Variants in LAMA2 observed in about 807,000 individuals in gnomAD.
The protein encoded by LAMA2 is laminin subunit alpha 2.
A neutral mutation model predicts 364.8 loss-of-function variants in LAMA2; 269 were observed. That is an observed-to-expected ratio of 0.74 (90% CI 0.67 to 0.82). The LOEUF (loss-of-function observed/expected upper bound fraction) is 0.82, where lower values mean the gene tolerates loss of function less well. Among genes scored for constraint, LAMA2 ranks in the 40% least tolerant of loss-of-function variants. The pLI is 0.00. For missense variants in LAMA2, 3,807 were observed against 3,873.2 expected, an observed-to-expected ratio of 0.98 and a Z score of 0.45; for synonymous variants, 1,379 against 1,370.6, an observed-to-expected ratio of 1.01 and a Z score of -0.14.
intron 1 of LAMA2, among the ~76,000 whole-genome samples, chr6:128,895,715 A>G (rs186542717): frequency 6.6e-6 from 1 of 152,152 alleles, no homozygotes; most frequent in Non-Finnish European, 1.5e-5. Context: ...AGCAGAAGAG[A>G]TTTTTATTCC....
chr6:129,294,117 C>T (rs1188836336), intron 20 of LAMA2, among the ~76,000 whole-genome samples: 2 of 152,152 alleles, frequency 1.3e-5, no homozygotes, highest in African/African-American at 4.8e-5. Context: ...CCCGGGAAAA[C>T]ACAGAAAGAA....
rs576205039 is a variant in LAMA2 at position 128,948,588 on chromosome 6, G to A, written c.112+65231G>A. Reference sequence around the variant, plus strand: ...GAAATGTGATTGATATGATTTGCATGTTTGCCCCCTTCAAATCGCATGTTG... The same window carrying A: ...GAAATGTGATTGATATGATTTGCATATTTGCCCCCTTCAAATCGCATGTTG... On this transcript the variant is annotated intron_variant, in intron 1 of 64. Transcript: ENST00000421865. Among the ~76,000 whole-genome samples, 14 of 152,258 alleles carry A rather than the reference G, an allele frequency of 9.2e-5. No homozygotes were observed. The South Asian group carries it at 2.9e-3, about 32-fold the overall frequency.
At position 129,039,120 on chromosome 6, in the gene LAMA2, G is replaced by A. The variant is rs186881623; in HGVS notation, c.113-10798G>A. Reference sequence around the variant, plus strand: ...TAATTTTATAGACTTGAGAGCCACCGTAAAAAATACTAAAGTTACAGTATG... The same window carrying A: ...TAATTTTATAGACTTGAGAGCCACCATAAAAAATACTAAAGTTACAGTATG... On this transcript the variant is annotated intron_variant, in intron 1 of 64. Transcript: ENST00000421865. Among the ~76,000 whole-genome samples, 449 of 152,102 alleles carry A rather than the reference G, an allele frequency of 3.0e-3. 1 individual carries two copies. The highest frequency in any genetic ancestry group is 0.01 in the African/African-American group (427 of 41,482).
intron 1 of LAMA2, among the ~76,000 whole-genome samples, chr6:128,936,611 C>T (rs1779828087): frequency 6.6e-6 from 1 of 152,028 alleles, no homozygotes; most frequent in African/African-American, 2.4e-5. Flanking sequence ...ATGTTAGGCA[C>T]AGCAAGAGAT....
chr6:129,116,542 G>A (rs1405547249), intron 4 of LAMA2, among the ~76,000 whole-genome samples: 1 of 151,988 alleles, frequency 6.6e-6, no homozygotes, highest in Non-Finnish European at 1.5e-5. Context: ...GAACCAAGAT[G>A]ATTTGTGTGA....
intron 1 of LAMA2, among the ~76,000 whole-genome samples, chr6:129,018,270 T>C (rs538887570): frequency 1.3e-5 from 2 of 152,132 alleles, no homozygotes; most frequent in South Asian, 4.1e-4. Context: ...CATGATGATC[T>C]TGTTTGTTGC....
At chr6:129,064,151 G>A (rs943873967) in intron 3 of LAMA2, among the ~76,000 whole-genome samples, 9 of 151,494 alleles carry the variant, frequency 5.9e-5, no homozygotes, top group African/African-American at 2.2e-4. Flanking sequence ...CAAATACATG[G>A]AAATTAAACA....
intron 12 of LAMA2, among the ~76,000 whole-genome samples, chr6:129,232,561 A>T (rs1784728939): frequency 6.6e-6 from 1 of 152,144 alleles, no homozygotes; most frequent in Middle Eastern, 3.2e-3. Flanking sequence ...TCAAAATTAT[A>T]ATAATAGCAA....
chr6:129,228,119 C>A (rs1177817429), intron 12 of LAMA2, among the ~76,000 whole-genome samples: 3 of 152,198 alleles, frequency 2.0e-5, no homozygotes, highest in African/African-American at 7.2e-5. Flanking sequence ...AGGCATGGGA[C>A]CCTCCGAGCC....
intron 29 of LAMA2, among the ~76,000 whole-genome samples, chr6:129,328,783 A>G (rs558299009): frequency 6.6e-6 from 1 of 152,332 alleles, no homozygotes; most frequent in Admixed American, 6.5e-5. Flanking sequence ...ATGCAACATA[A>G]CATTTTAATG....
intron 1 of LAMA2, among the ~76,000 whole-genome samples, chr6:129,021,197 AC>A (rs1785427196): frequency 6.6e-6 from 1 of 152,122 alleles, no homozygotes; most frequent in Non-Finnish European, 1.5e-5. Flanking sequence ...ATTATAGTAG[AC>A]CCCTGATTGC....
At chr6:129,398,962 G>C (rs1274457253) in intron 37 of LAMA2, among the ~76,000 whole-genome samples, 1 of 152,144 alleles carries the variant, frequency 6.6e-6, no homozygotes, top group South Asian at 2.1e-4. Context: ...GTTGTTTACT[G>C]ATATGTAATA....
At chr6:129,367,066 T>C (rs1777817444) in intron 33 of LAMA2, among the ~76,000 whole-genome samples, 1 of 152,212 alleles carries the variant, frequency 6.6e-6, no homozygotes, top group African/African-American at 2.4e-5. Context: ...AAACACATGA[T>C]TAGAATCTTG....
intron 12 of LAMA2, among the ~76,000 whole-genome samples, chr6:129,249,365 A>G (rs1188564972): frequency 1.3e-5 from 2 of 152,210 alleles, no homozygotes; most frequent in African/African-American, 2.4e-5. Flanking sequence ...TTCCTGTCCT[A>G]TAAATGATCT....
intron 1 of LAMA2, among the ~76,000 whole-genome samples, chr6:128,941,898 G>T (rs1033497002): frequency 1.3e-5 from 2 of 152,118 alleles, no homozygotes; most frequent in Non-Finnish European, 2.9e-5. Flanking sequence ...AAGTTCAGAG[G>T]TAGAAGATGC....
At chr6:129,054,953 C>G (rs909300868) in intron 2 of LAMA2, among the ~76,000 whole-genome samples, 10 of 150,124 alleles carry the variant, frequency 6.7e-5, no homozygotes, top group Non-Finnish European at 1.5e-4. Context: ...GCTATTCTGT[C>G]TTTCACCCTC....
In LAMA2 at chr6:128,917,738, T is replaced by TTTC. The variant is rs1326095567; in HGVS notation, c.112+34383_112+34384insCTT. ...TCTTTCTTTCTTTCTTTCTTTCTTTTTTTTTTTTTTTTTGAGACAGGCTCT... is the reference window on the plus strand; with the variant it reads ...TCTTTCTTTCTTTCTTTCTTTCTTTTTTCTTTTTTTTTTTTTGAGACAGGCTCT... On this transcript the variant is annotated intron_variant, in intron 1 of 64. Transcript: ENST00000421865. Among the ~76,000 whole-genome samples the TTTC allele has an allele frequency of 6.5e-4, 15 of 23,102 alleles. No individual in the cohort carries two copies. The South Asian group carries it at 0.012, about 19-fold the overall frequency. 15.2% of individuals were successfully genotyped at this position (23,102 alleles called of 152,430 possible).
chr6:129,042,481 TA>T (rs1256160407), intron 1 of LAMA2, among the ~76,000 whole-genome samples: 1 of 152,154 alleles, frequency 6.6e-6, no homozygotes, highest in African/African-American at 2.4e-5. Context: ...TAACTGGAGT[TA>T]AATACTGCTA....
intron 22 of LAMA2, among the ~76,000 whole-genome samples, chr6:129,302,996 C>G (rs1773641836): frequency 1.3e-5 from 2 of 152,022 alleles, no homozygotes; most frequent in African/African-American, 4.8e-5. Flanking sequence ...TACCAAAAAG[C>G]CTGCTAGGAT....
Sources: allele counts gnomAD v4.1 joint callset (sites outside exome capture counted in the v4.1 genomes callset), GRCh38; gene constraint gnomAD v4.1.1; transcripts MANE v1.5; gene names NCBI Gene and HGNC (gene_info 2026-07-23, HGNC 2026-07-21).